Variants in DNAJB11 observed in about 807,000 individuals in gnomAD.
The protein encoded by DNAJB11 is dnaJ homolog subfamily B member 11.
A neutral mutation model predicts 47.2 loss-of-function variants in DNAJB11; 30 were observed. That is an observed-to-expected ratio of 0.64 (90% CI 0.48 to 0.86). The LOEUF is 0.86. DNAJB11 is among the 40% of genes least tolerant of loss of function. The pLI, the probability that DNAJB11 is intolerant of heterozygous loss-of-function variation, is 0.00. For synonymous variants in DNAJB11, 151 were observed against 159.9 expected (o/e 0.94, Z 0.42); for missense variants, 357 against 440.2 (o/e 0.81, Z 1.69).
At position 186,570,795 on chromosome 3, in the gene DNAJB11, C is replaced by T. The variant is rs368637259; in HGVS notation, c.-103C>T. 4 of 1,088,120 alleles carry T rather than the reference C, an allele frequency of 3.7e-6. No homozygotes were observed. The highest frequency in any genetic ancestry group is 3.2e-5 in the African/African-American group (2 of 62,190). 67.4% of individuals were successfully genotyped at this position (1,088,120 alleles called of 1,614,324 possible). Reference sequence around the variant, plus strand: ...GGACCAAGGAGACCCCCGCGCCCCCCCGGTGTGAGGCGGCCTCACAGGGCC... The same window carrying T: ...GGACCAAGGAGACCCCCGCGCCCCCTCGGTGTGAGGCGGCCTCACAGGGCC... On this transcript the variant is annotated 5_prime_UTR_variant, in exon 1 of 10. Transcript: ENST00000265028.
chr3:186,577,781 A>G lies in DNAJB11; in HGVS notation c.437A>G (p.Tyr146Cys), dbSNP rs775158764. 11 of 1,601,774 alleles carry G rather than the reference A, an allele frequency of 6.9e-6. No homozygotes were observed. The Admixed American group carries it at 1.1e-4, about 15-fold the overall frequency. The stretch of plus-strand genomic sequence containing the variant: ...CTAGAAGTCACTTTGGAAGAAGTAT[A>G]TGCAGGAAATTTTGTGGAAGTAAGT... ...VDLEVTLEEVYAGNFVEVVRN... is the reference protein window; with the variant it reads ...VDLEVTLEEVCAGNFVEVVRN... Residue 146 changes from tyrosine to cysteine, a missense_variant, in exon 4 of 10, where the codon TAT becomes TGT. Transcript: ENST00000265028.
intron 6 of DNAJB11, 85 bp downstream of exon 6, chr3:186,582,162 C>G: frequency 9.9e-7 from 1 of 1,008,398 alleles, no homozygotes; most frequent in Non-Finnish European, 1.5e-6. Context: ...CTGCCTTACT[C>G]CATCTTAATG....
rs2108487936 is a variant in DNAJB11 at position 186,585,476 on chromosome 3, TTGTG to T, written c.*74_*77del. ...GATATTTATTATCTGCAAGGTTTTTTTGTGTGTGTTTTTGTTTTTATTTTCAATA... is the reference window on the plus strand; with the variant it reads ...GATATTTATTATCTGCAAGGTTTTTTTGTGTTTTTGTTTTTATTTTCAATA... On this transcript the variant is annotated 3_prime_UTR_variant, in exon 10 of 10. Transcript: ENST00000265028. 2.4e-6 allele frequency: 3 copies of T among 1,264,732 alleles called. No homozygotes were observed. Among genetic ancestry groups the T allele is most frequent in the Non-Finnish European group, 3.4e-6 (3 of 894,812 alleles). 78.3% of individuals were successfully genotyped at this position (1,264,732 alleles called of 1,614,324 possible). A position where few individuals can be genotyped will look rare whatever the true frequency, so the allele number is the denominator to read the frequency against.
chr3:186,574,140 G>C (rs901320707), intron 2 of DNAJB11, among the ~76,000 whole-genome samples: 2 of 152,288 alleles, frequency 1.3e-5, no homozygotes, highest in Non-Finnish European at 2.9e-5. Flanking sequence ...ATCACTGCTG[G>C]CATTTTAATT....
chr3:186,585,443 G>A lies in DNAJB11; in HGVS notation c.*35G>A. 1 of 1,503,252 alleles carries A rather than the reference G, an allele frequency of 6.7e-7. No individual in the cohort carries two copies. Among genetic ancestry groups the A allele is most frequent in the Non-Finnish European group, 9.1e-7 (1 of 1,094,174 alleles). 93.1% of individuals were successfully genotyped at this position (1,503,252 alleles called of 1,614,324 possible). A position where few individuals can be genotyped will look rare whatever the true frequency, so the allele number is the denominator to read the frequency against. On this transcript the variant is annotated 3_prime_UTR_variant, in exon 10 of 10. Coordinates refer to ENST00000265028, the MANE Select transcript of DNAJB11 (RefSeq NM_016306.6). ...AAATTGGACTTTGTTTAAAATAAGTGAATAAGCGATATTTATTATCTGCAA... is the reference window on the plus strand; with the variant it reads ...AAATTGGACTTTGTTTAAAATAAGTAAATAAGCGATATTTATTATCTGCAA...
chr3:186,572,211 A>C lies in DNAJB11; in HGVS notation c.185A>C (p.Gln62Pro). The C allele has an allele frequency of 6.2e-7, 1 of 1,613,616 alleles. No homozygotes were observed. Among genetic ancestry groups the C allele is most frequent in the Non-Finnish European group, 8.5e-7 (1 of 1,179,876 alleles). ...CCCGACCGGAACCCTGATGATCCAC[A>C]AGCCCAGGAGAAATTCCAGGATCTG... is the stretch of plus-strand genomic sequence containing the variant. Reference protein sequence around the residue: ...LHPDRNPDDPQAQEKFQDLGA... With the variant: ...LHPDRNPDDPPAQEKFQDLGA... Residue 62 changes from glutamine (Q) to proline (P), a missense_variant, in exon 2 of 10, where the codon CAA (glutamine) becomes CCA (proline). Physicochemically the swap from Gln to Pro is moderately conservative, Grantham distance 76 (BLOSUM62 -1). Transcript: ENST00000265028.
intron 2 of DNAJB11, among the ~76,000 whole-genome samples, chr3:186,574,604 C>A (rs1445446868): frequency 1.3e-5 from 2 of 151,918 alleles, no homozygotes; most frequent in Non-Finnish European, 2.9e-5. Flanking sequence ...GTACTGTGGT[C>A]ACTTCTGGAA....
At chr3:186,580,518 T>TA (rs1361924710) in intron 4 of DNAJB11, 1 of 152,164 alleles carries the variant, frequency 6.6e-6, no homozygotes, top group Non-Finnish European at 1.5e-5. Context: ...ACCTGTCTCA[T>TA]AGAGTTGTGA....
intron 4 of DNAJB11, chr3:186,578,533 T>C (rs958374971): frequency 1.3e-5 from 2 of 152,354 alleles, no homozygotes; most frequent in South Asian, 2.1e-4. Flanking sequence ...ACTGCCTCAC[T>C]AATACTTGGA....
chr3:186,578,038 C>A, intron 4 of DNAJB11: 1 of 263,250 alleles, frequency 3.8e-6, no homozygotes, highest in Middle Eastern at 1.1e-3. Flanking sequence ...ATGCTACTTC[C>A]CTGTTCCATT....
intron 7 of DNAJB11, among the ~76,000 whole-genome samples, chr3:186,583,376 C>G (rs1189546314): frequency 6.6e-6 from 1 of 152,204 alleles, no homozygotes; most frequent in Non-Finnish European, 1.5e-5. Context: ...GTGTTGTTTT[C>G]CCCAGCTTCT....
Position 186,570,725 on chromosome 3 carries a change from C to T in DNAJB11, c.-173C>T, listed in dbSNP as rs988628815. The stretch of plus-strand genomic sequence containing the variant: ...TTCTCTCACCGGGACTCGGGACTCC[C>T]GGGAAGTGGACCGGCAGAAGAGGGG... On this transcript the variant is annotated 5_prime_UTR_variant, in exon 1 of 10. Coordinates refer to ENST00000265028, the MANE Select transcript of DNAJB11 (RefSeq NM_016306.6). 7 of 647,404 alleles carry T rather than the reference C, an allele frequency of 1.1e-5. No individual in the cohort carries two copies. Among genetic ancestry groups the T allele is most frequent in the East Asian group, 3.0e-5 (1 of 33,844 alleles). 40.1% of individuals were successfully genotyped at this position (647,404 alleles called of 1,614,324 possible). A position where few individuals can be genotyped will look rare whatever the true frequency, so the allele number is the denominator to read the frequency against.
At chr3:186,584,282 A>G (rs934380647) in intron 8 of DNAJB11, 148 bp from the exon 9 acceptor site, 63 of 793,608 alleles carry the variant, frequency 7.9e-5, no homozygotes, top group Non-Finnish European at 1.1e-4. Flanking sequence ...CTTGACTCAC[A>G]TTGTCTTAAT....
chr3:186,584,280 A>T, intron 8 of DNAJB11, 150 bp from the exon 9 acceptor site: 1 of 786,344 alleles, frequency 1.3e-6, no homozygotes, highest in Non-Finnish European at 1.9e-6. Context: ...TTCTTGACTC[A>T]CATTGTCTTA....
intron 1 of DNAJB11, 103 bp downstream of exon 1, chr3:186,571,068 A>C: frequency 9.5e-7 from 1 of 1,056,446 alleles, no homozygotes; most frequent in Non-Finnish European, 1.4e-6. Context: ...CGGAGTGGAG[A>C]GGGGCATCGC....
chr3:186,577,879 C>A, intron 4 of DNAJB11, 79 bp downstream of exon 4: 1 of 1,226,086 alleles, frequency 8.2e-7, no homozygotes, highest in Non-Finnish European at 1.1e-6. Context: ...TTTATATGTA[C>A]CTTCTCTGTC....
intron 8 of DNAJB11, 111 bp downstream of exon 8, chr3:186,584,087 T>A: frequency 1.3e-6 from 1 of 793,084 alleles, no homozygotes. Flanking sequence ...CCTTTCTTGG[T>A]CGTATTCTGC....
intron 2 of DNAJB11, among the ~76,000 whole-genome samples, chr3:186,573,720 A>G (rs1194684260): frequency 6.6e-6 from 1 of 152,176 alleles, no homozygotes; most frequent in African/African-American, 2.4e-5. Flanking sequence ...GCACATCAAT[A>G]AACTTGGGAA....
At chr3:186,576,364 G>T (rs113350592) in intron 3 of DNAJB11, among the ~76,000 whole-genome samples, 48 of 152,176 alleles carry the variant, frequency 3.2e-4, no homozygotes, top group African/African-American at 9.9e-4. Context: ...ACCAGCATTA[G>T]GGGAAGGAAT....
Sources: gnomAD v4.1 joint callset for allele counts (sites outside exome capture counted in the v4.1 genomes callset) on GRCh38, gnomAD v4.1.1 for gene constraint, MANE v1.5 for transcripts, NCBI Gene and HGNC (gene_info 2026-07-23, HGNC 2026-07-21) for gene names.